ABR: variants seen among roughly 807,000 people sequenced by gnomAD.
ABR encodes active breakpoint cluster region-related protein.
Under a neutral mutation model 107.2 loss-of-function variants are expected in ABR, and 35 were observed. The ratio of observed to expected loss-of-function variants is 0.33; its 90% confidence interval spans 0.25 to 0.43. The LOEUF is 0.43. Ranked by LOEUF, ABR falls within the 20% of genes least tolerant of loss-of-function variation. The pLI, the probability that ABR is intolerant of heterozygous loss-of-function variation, is 1.00. For synonymous variants in ABR, 498 were observed against 462.0 expected (o/e 1.08, Z -1.00); for missense variants, 815 against 1,115.2 (o/e 0.73, Z 3.83).
chr17:1,028,627 C>A (rs1026846792), intron 16 of ABR, among the ~76,000 whole-genome samples: 1 of 152,198 alleles, frequency 6.6e-6, no homozygotes, highest in Non-Finnish European at 1.5e-5. Flanking sequence ...CGGGACTCAC[C>A]GTGGGGGTCA....
At chr17:1,018,394 C>T (rs2071369003) in intron 16 of ABR, among the ~76,000 whole-genome samples, 1 of 152,218 alleles carries the variant, frequency 6.6e-6, no homozygotes, top group Admixed American at 6.5e-5. Context: ...TTATGGGGCG[C>T]AGTTCGATGT....
chr17:1,111,329 C>T (rs1037122949), intron 2 of ABR, among the ~76,000 whole-genome samples: 5 of 152,162 alleles, frequency 3.3e-5, no homozygotes, highest in Admixed American at 6.5e-5. Context: ...ACCCTGTCCC[C>T]GGTGGCTGGA....
At chr17:1,198,747 T>C (rs895772698) in intron 1 of ABR, among the ~76,000 whole-genome samples, 1 of 149,768 alleles carries the variant, frequency 6.7e-6, no homozygotes, top group Non-Finnish European at 1.5e-5. Flanking sequence ...GCCATTCTCC[T>C]GCCTCAGCCT....
rs73285568 is a variant in ABR at position 1,027,870 on chromosome 17, C to A, written c.1792-14706G>T. 6.6e-6 allele frequency among the ~76,000 whole-genome samples: 1 copy of A among 152,002 alleles called. No individual in the cohort carries two copies. The highest frequency in any genetic ancestry group is 1.5e-5 in the Non-Finnish European group (1 of 68,008). On this transcript the variant is annotated intron_variant, in intron 16 of 22. Transcript: ENST00000302538. The surrounding 1 kb of genome is among the most constrained non-coding windows in gnomAD (Gnocchi z 4.7). ...CAGAAGGCTGCGAGATCTTTCCTGACGCCCAGACTGGATTATAAAATAAAG... is the reference window on the plus strand; with the variant it reads ...CAGAAGGCTGCGAGATCTTTCCTGAAGCCCAGACTGGATTATAAAATAAAG...
intron 1 of ABR, among the ~76,000 whole-genome samples, chr17:1,213,192 G>C (rs1197516376): frequency 6.6e-6 from 1 of 152,202 alleles, no homozygotes; most frequent in Non-Finnish European, 1.5e-5. Context: ...AGACAGCTCA[G>C]CCCAGGAAAT....
chr17:1,109,449 C>T (rs2038517001), intron 2 of ABR, among the ~76,000 whole-genome samples: 1 of 152,030 alleles, frequency 6.6e-6, no homozygotes, highest in Non-Finnish European at 1.5e-5. Context: ...AGGAAACGCG[C>T]GTCGCGAGGT....
At chr17:1,055,310 T>C (rs1468159356) in intron 14 of ABR, 1 of 152,236 alleles carries the variant, frequency 6.6e-6, no homozygotes, top group Non-Finnish European at 1.5e-5. Context: ...GAAAAAGCGA[T>C]GAGCGTGGCA....
At chr17:1,149,305 C>G (rs756851382) in intron 1 of ABR, among the ~76,000 whole-genome samples, 1 of 152,066 alleles carries the variant, frequency 6.6e-6, no homozygotes, top group Non-Finnish European at 1.5e-5. Flanking sequence ...CCATGGGTAT[C>G]GACAGGAGGC....
chr17:1,022,120 A>AAAACAAAAAAAAC lies in ABR; in HGVS notation c.1792-8957_1792-8956insGTTTTTTTTGTTT, dbSNP rs1555534385. 1.7e-3 allele frequency among the ~76,000 whole-genome samples: 196 copies of AAAACAAAAAAAAC among 118,394 alleles called. 9 individuals carry two copies. The highest frequency in any genetic ancestry group is 6.9e-3 in the African/African-American group (189 of 27,376). The allele number at this position is 118,394 out of a possible 152,430, so 77.7% of individuals were successfully genotyped here. A position where few individuals can be genotyped will look rare whatever the true frequency, so the allele number is the denominator to read the frequency against. On this transcript the variant is annotated intron_variant, in intron 16 of 22. Coordinates refer to ENST00000302538, the MANE Select transcript of ABR (RefSeq NM_021962.5). ...AGACTCTGTCTCAAAAAAAAAAAAAAAAAAACAGAAAATGACTCCAGAAGG... is the reference window on the plus strand; with the variant it reads ...AGACTCTGTCTCAAAAAAAAAAAAAAAAACAAAAAAAACAAAAACAGAAAATGACTCCAGAAGG...
chr17:1,042,547 CATGGACGGATGGATGGGTAA>C (rs2030781758), intron 16 of ABR, among the ~76,000 whole-genome samples: 3 of 151,574 alleles, frequency 2.0e-5, no homozygotes, highest in South Asian at 2.1e-4. Flanking sequence ...CACCTACATC[CATGGACGGATGGATGGGTAA>C]ACAGACATGG....
Position 1,148,482 on chromosome 17 carries a change from C to G in ABR, c.62-23115G>C, listed in dbSNP as rs929231213. On this transcript the variant is annotated intron_variant, in intron 1 of 22. Coordinates refer to ENST00000302538, the MANE Select transcript of ABR (RefSeq NM_021962.5). This position sits in a 1 kb window ranked among gnomAD's most constrained non-coding sequence, Gnocchi z 4.9. ...TTCAATACAGGGGTCCCCAGCCCCCCCGGGCATGGACCGGCACCAGTCCGT... is the reference window on the plus strand; with the variant it reads ...TTCAATACAGGGGTCCCCAGCCCCCGCGGGCATGGACCGGCACCAGTCCGT... 5.9e-5 allele frequency among the ~76,000 whole-genome samples: 9 copies of G among 152,186 alleles called. No individual in the cohort carries two copies. The highest frequency in any genetic ancestry group is 2.2e-4 in the African/African-American group (9 of 41,450).
chr17:1,221,522 C>T (rs2043119892), intron 1 of ABR, among the ~76,000 whole-genome samples: 1 of 152,190 alleles, frequency 6.6e-6, no homozygotes, highest in South Asian at 2.1e-4. Context: ...AATTCTGTTA[C>T]ATGTGAGATA....
chr17:1,083,327 A>C lies in ABR; in HGVS notation c.639+193T>G. 3 of 355,132 alleles carry C rather than the reference A, an allele frequency of 8.4e-6. 1 individual carries two copies. Among genetic ancestry groups the C allele is most frequent in the Non-Finnish European group, 1.5e-5 (3 of 196,858 alleles). 22.0% of individuals were successfully genotyped at this position (355,132 alleles called of 1,614,324 possible). On this transcript the variant is annotated intron_variant, in intron 5 of 22. Coordinates refer to ENST00000302538, the MANE Select transcript of ABR (RefSeq NM_021962.5). ...CTCTCTAATCTGAAAGAGAATAATA[A>C]AAAAATAAATAAAATAGATCGTTTT...
At chr17:1,065,262 A>C (rs2034579170) in intron 10 of ABR, among the ~76,000 whole-genome samples, 1 of 12,884 alleles carries the variant, frequency 7.8e-5, no homozygotes, top group African/African-American at 6.1e-4. Flanking sequence ...ATGTTCCTCT[A>C]GACACTGCTG....
In ABR at chr17:1,084,312, G is replaced by C. The variant is rs1227168044; in HGVS notation, c.532-685C>G. Among the ~76,000 whole-genome samples the C allele has an allele frequency of 6.6e-6, 1 of 152,246 alleles. No homozygotes were observed. The highest frequency in any genetic ancestry group is 2.4e-5 in the African/African-American group (1 of 41,466). On this transcript the variant is annotated intron_variant, in intron 4 of 22. Transcript: ENST00000302538. This position sits in a 1 kb window ranked among gnomAD's most constrained non-coding sequence, Gnocchi z 4.2. ...GAATCGCTTGAACCCAAGAGGTGGA[G>C]GCTGCAGTGAACCAAGATCGTGTCA...
rs559330256 is a variant in ABR at position 1,100,688 on chromosome 17, C to A, written c.294G>T (p.Gly98=). The change falls in exon 3 of 23, where the codon GGG becomes GGT. Residue 98 remains glycine (G), a synonymous_variant. Transcript: ENST00000302538. ...GLEMRKLVLS[G]FLASEEIYIN... is the part of the protein sequence containing the mutation. ...TGTAGATCTCTTCGCTGGCCAAGAA[C>A]CCCGAGAGAACCAGCTTCCTCATCT... 6 of 1,613,760 alleles carry A rather than the reference C, an allele frequency of 3.7e-6. No homozygotes were observed. In the East Asian group the frequency reaches 6.7e-5, roughly 18 times the overall value.
rs771005900 is a variant in ABR at position 1,009,793 on chromosome 17, G to A, written c.2237-9C>T. The A allele has an allele frequency of 3.1e-6, 5 of 1,612,280 alleles. No individual in the cohort carries two copies. The highest frequency in any genetic ancestry group is 4.5e-5 in the East Asian group (2 of 44,890). On this transcript the variant is annotated splice_polypyrimidine_tract_variant and intron_variant, in intron 20 of 22. Transcript: ENST00000302538. ...AGCAGGGTCTGACAGGGCTGTGGGA[G>A]AGAAGGGCCAGTGTGGCGTTTGGCT...
At chr17:1,138,395 A>G (rs964544340) in intron 1 of ABR, among the ~76,000 whole-genome samples, 1 of 152,180 alleles carries the variant, frequency 6.6e-6, no homozygotes, top group Non-Finnish European at 1.5e-5. Flanking sequence ...TGTTAGTTAC[A>G]CAAGCAGACA....
chr17:1,031,723 G>A (rs2072785701), intron 16 of ABR: 2 of 1,244,316 alleles, frequency 1.6e-6, no homozygotes, highest in Admixed American at 4.2e-5. Context: ...CAGTCGGGCT[G>A]GGGCAGGACG....
Sources: gnomAD v4.1 joint callset for allele counts (sites outside exome capture counted in the v4.1 genomes callset) on GRCh38, gnomAD v4.1.1 for gene constraint, Gnocchi (gnomAD v3.1) non-coding constraint, MANE v1.5 for transcripts, NCBI Gene and HGNC (gene_info 2026-07-23, HGNC 2026-07-21) for gene names.